Variants in CELF2 observed in about 807,000 individuals in gnomAD.
CELF2 encodes CUGBP Elav-like family member 2, also known as CUG triplet repeat RNA-binding protein 2.
CELF2 carries 8 observed loss-of-function variants against 62.6 expected under a neutral mutation model. That is an observed-to-expected ratio of 0.13 (90% CI 0.07 to 0.23). The LOEUF (loss-of-function observed/expected upper bound fraction) is 0.23. Among genes scored for constraint, CELF2 ranks in the 10% least tolerant of loss-of-function variants. The pLI is 1.00. For missense variants in CELF2, 333 were observed against 671.0 expected, an observed-to-expected ratio of 0.50 and a Z score of 5.56; for synonymous variants, 258 against 250.0, an observed-to-expected ratio of 1.03 and a Z score of -0.30.
chr10:10,787,643 C>T, the CELF2 span, among the ~76,000 whole-genome samples: 1 of 152,190 alleles, frequency 6.6e-6, no homozygotes, highest in Non-Finnish European at 1.5e-5. Context: ...TTCGTTTGAG[C>T]TTTGTGAAAA....
chr10:10,581,359 C>T, the CELF2 span, among the ~76,000 whole-genome samples: 274 of 152,230 alleles, frequency 1.8e-3, 1 homozygote, highest in African/African-American at 6.5e-3. Context: ...GATTTTGATC[C>T]ATTTTGCTTT....
intron 1 of CELF2, among the ~76,000 whole-genome samples, chr10:10,868,876 A>G (rs1393146843): frequency 5.3e-5 from 8 of 152,234 alleles, no homozygotes; most frequent in Admixed American, 5.2e-4. Flanking sequence ...CCAAATAGGT[A>G]GGTCTTCATA....
At chr10:10,506,732 A>G in the CELF2 span, among the ~76,000 whole-genome samples, 2 of 113,870 alleles carry the variant, frequency 1.8e-5, no homozygotes, top group East Asian at 6.2e-4. Flanking sequence ...GCTGGAGTGC[A>G]GAGGTGCAAT....
In CELF2 at chr10:10,831,263, G is replaced by C. The variant is rs921191012; in HGVS notation, c.53+32446G>C. Among the ~76,000 whole-genome samples the C allele has an allele frequency of 2.6e-5, 4 of 152,188 alleles. No homozygotes were observed. The East Asian group carries it at 7.7e-4, about 29-fold the overall frequency. On this transcript the variant is annotated intron_variant, in intron 1 of 13. Coordinates refer to the CELF2 transcript ENST00000636488. ...TCATGAGTGTTCTGAGACACTTGAA[G>C]GTGACCCCAGATTCCCTGGTGTTTA...
rs1051876366 is a variant in CELF2, at chr10:10,948,678, C to T, written c.89+28679C>T. Among the ~76,000 whole-genome samples the T allele has an allele frequency of 2.0e-5, 3 of 152,160 alleles. No homozygotes were observed. The South Asian group carries it at 6.2e-4, about 31-fold the overall frequency. On this transcript the variant is annotated intron_variant, in intron 2 of 13. Transcript: ENST00000636488. ...TCTTTGCATGAAGCTCCATGGTTTC[C>T]TTTCTGCACAATAGTCGGAACCTCT...
chr10:10,912,595 C>A (rs1591823696), intron 1 of CELF2, among the ~76,000 whole-genome samples: 2 of 152,164 alleles, frequency 1.3e-5, no homozygotes, highest in Admixed American at 1.3e-4. Context: ...GTCTTGATCT[C>A]TTGACCTTGT....
chr10:10,822,345 A>G (rs1212008435), intron 1 of CELF2, among the ~76,000 whole-genome samples: 1 of 152,236 alleles, frequency 6.6e-6, no homozygotes, highest in Non-Finnish European at 1.5e-5. Flanking sequence ...TGACTATCTC[A>G]GAGGCAAATT....
chr10:11,326,362 A>G (rs139930413), intron 12 of CELF2, among the ~76,000 whole-genome samples: 43 of 152,356 alleles, frequency 2.8e-4, no homozygotes, highest in African/African-American at 8.2e-4. Flanking sequence ...ACACCCATTC[A>G]TCAGCACCAA....
At chr10:10,472,502 T>C in the CELF2 span, among the ~76,000 whole-genome samples, 1 of 151,970 alleles carries the variant, frequency 6.6e-6, no homozygotes, top group African/African-American at 2.4e-5. Flanking sequence ...TTGAACATAC[T>C]TAAAATTGCT....
At chr10:11,112,971 T>C (rs921408456) in intron 1 of CELF2, among the ~76,000 whole-genome samples, 4 of 151,824 alleles carry the variant, frequency 2.6e-5, no homozygotes, top group African/African-American at 9.7e-5. Context: ...ATGCGTAGCC[T>C]ATATCTGAAG....
chr10:10,924,224 G>A (rs1231707561), intron 2 of CELF2, among the ~76,000 whole-genome samples: 5 of 136,948 alleles, frequency 3.7e-5, no homozygotes, highest in Non-Finnish European at 7.7e-5. Context: ...GGAGCTTGCA[G>A]TGAGCCGAGA....
intron 9 of CELF2, among the ~76,000 whole-genome samples, chr10:11,295,360 T>C (rs1032911083): frequency 2.0e-5 from 3 of 152,218 alleles, no homozygotes; most frequent in African/African-American, 7.2e-5. Context: ...AAAGCGTCAT[T>C]TTACTGAATT....
At chr10:10,849,694 C>T (rs1394177917) in intron 1 of CELF2, among the ~76,000 whole-genome samples, 2 of 152,204 alleles carry the variant, frequency 1.3e-5, no homozygotes, top group Admixed American at 6.5e-5. Flanking sequence ...CACAATCTGG[C>T]TCGCTCTCCA....
chr10:11,204,533 G>A (rs561671007), intron 2 of CELF2, among the ~76,000 whole-genome samples: 3 of 152,332 alleles, frequency 2.0e-5, no homozygotes, highest in Admixed American at 6.5e-5. Context: ...CTGGCACCAC[G>A]CCATGCCTTG....
At chr10:11,299,964 C>G (rs560402698) in intron 9 of CELF2, among the ~76,000 whole-genome samples, 1 of 152,136 alleles carries the variant, frequency 6.6e-6, no homozygotes, top group African/African-American at 2.4e-5. Flanking sequence ...TCATTTGCCC[C>G]GCTCGTAGGA....
intron 1 of CELF2, among the ~76,000 whole-genome samples, chr10:11,154,299 G>A (rs780817993): frequency 6.6e-6 from 1 of 152,246 alleles, no homozygotes; most frequent in Non-Finnish European, 1.5e-5. Flanking sequence ...CTTGCTGAGA[G>A]AGAGAAGAAG....
chr10:11,213,036 C>T (rs1159748691), intron 2 of CELF2, among the ~76,000 whole-genome samples: 1 of 152,194 alleles, frequency 6.6e-6, no homozygotes, highest in Admixed American at 6.5e-5. Flanking sequence ...TGCAGAAGCA[C>T]CTGGTTCATC....
chr10:11,308,159 G>C (rs1359462636), intron 9 of CELF2, among the ~76,000 whole-genome samples: 4 of 152,226 alleles, frequency 2.6e-5, no homozygotes, highest in Non-Finnish European at 5.9e-5. Context: ...TGGGATCCAT[G>C]ATGAATCATT....
the CELF2 span, among the ~76,000 whole-genome samples, chr10:10,752,226 C>T: frequency 3.3e-5 from 5 of 152,314 alleles, 1 homozygote; most frequent in East Asian, 9.7e-4. Context: ...TGGAGGGTTT[C>T]TGTCATTGTC....
Sources: gnomAD v4.1 joint callset for allele counts (sites outside exome capture counted in the v4.1 genomes callset) on GRCh38, gnomAD v4.1.1 for gene constraint, MANE v1.5 for transcripts, NCBI Gene and HGNC (gene_info 2026-07-23, HGNC 2026-07-21) for gene names.